PACRG: variants seen among roughly 807,000 people sequenced by gnomAD.
PACRG encodes the protein parkin coregulated gene protein.
Under a neutral mutation model 29.7 loss-of-function variants are expected in PACRG, and 29 were observed. The ratio of observed to expected loss-of-function variants is 0.98; its 90% confidence interval spans 0.73 to 1.33. The LOEUF (loss-of-function observed/expected upper bound fraction) is 1.33, where lower values mean the gene tolerates loss of function less well. Among genes scored for constraint, PACRG ranks in the 40% most tolerant of loss-of-function variants. PACRG has a pLI of 0.00. For synonymous variants in PACRG, 116 were observed against 118.7 expected, an observed-to-expected ratio of 0.98 and a Z score of 0.15; for missense variants, 279 against 316.2, an observed-to-expected ratio of 0.88 and a Z score of 0.89.
chr6:163,310,266 C>T (rs1562372420), intron 4 of PACRG: 2 of 152,184 alleles, frequency 1.3e-5, no homozygotes, highest in African/African-American at 4.8e-5. Context: ...GTTCTCAAGA[C>T]GCAGGGCTCG....
In PACRG at chr6:162,791,822, G is replaced by A. The variant is rs80277839; in HGVS notation, c.157-22325G>A. On this transcript the variant is annotated intron_variant, in intron 1 of 4. Transcript: ENST00000366888. ...AGGGCAGTCATGGAACGCTTTAGAA[G>A]GGACAAGTTCTAATGACACCTGGGG... 8.6e-3 allele frequency among the ~76,000 whole-genome samples: 1,311 copies of A among 152,246 alleles called. 21 individuals are homozygous for A. Among genetic ancestry groups the A allele is most frequent in the African/African-American group, 0.03 (1,252 of 41,540 alleles).
chr6:162,886,202 C>T (rs1284219462), intron 2 of PACRG, among the ~76,000 whole-genome samples: 1 of 152,176 alleles, frequency 6.6e-6, no homozygotes. Flanking sequence ...TGATTACAGG[C>T]ATGAGCCATT....
chr6:162,818,857 G>A (rs1787584698), intron 2 of PACRG, among the ~76,000 whole-genome samples: 1 of 152,140 alleles, frequency 6.6e-6, no homozygotes, highest in African/African-American at 2.4e-5. Flanking sequence ...ATTTGAATAG[G>A]ACGTAGATAA....
In PACRG at chr6:163,028,438, C is replaced by T. The variant is rs150422682; in HGVS notation, c.292-33712C>T. Reference sequence around the variant, plus strand: ...GTAGTGTCAAATTCAGGTTCTAACACAATCAACCTTTAAGATCATGCAGCC... The same window carrying T: ...GTAGTGTCAAATTCAGGTTCTAACATAATCAACCTTTAAGATCATGCAGCC... On this transcript the variant is annotated intron_variant, in intron 2 of 4. Transcript: ENST00000366888. 5.5e-4 allele frequency among the ~76,000 whole-genome samples: 83 copies of T among 152,262 alleles called. No individual in the cohort carries two copies. The East Asian group carries it at 0.016, about 29-fold the overall frequency.
intron 2 of PACRG, among the ~76,000 whole-genome samples, chr6:162,922,939 G>A (rs147888604): frequency 8.5e-5 from 13 of 152,196 alleles, no homozygotes; most frequent in South Asian, 2.1e-4. Context: ...GTGGAATGCC[G>A]GATCATGTGG....
intron 2 of PACRG, among the ~76,000 whole-genome samples, chr6:162,885,501 C>T (rs1263115108): frequency 6.8e-6 from 1 of 146,948 alleles, no homozygotes; most frequent in Non-Finnish European, 1.5e-5. Flanking sequence ...GAACTCCTGA[C>T]CTCAAGCCAT....
chr6:163,275,827 A>G (rs1297018578), intron 4 of PACRG, among the ~76,000 whole-genome samples: 2 of 152,180 alleles, frequency 1.3e-5, no homozygotes, highest in East Asian at 3.8e-4. Flanking sequence ...TTAATAATTC[A>G]AAGGACATAG....
chr6:163,003,352 C>T (rs1033118112), intron 2 of PACRG, among the ~76,000 whole-genome samples: 1 of 152,118 alleles, frequency 6.6e-6, no homozygotes, highest in Admixed American at 6.5e-5. Flanking sequence ...ATTCACTTTA[C>T]TTGCATAATT....
chr6:162,914,397 T>C (rs1796537582), intron 2 of PACRG, among the ~76,000 whole-genome samples: 1 of 152,000 alleles, frequency 6.6e-6, no homozygotes, highest in South Asian at 2.1e-4. Flanking sequence ...AGAAGTAGAC[T>C]GAACAGTCTG....
intron 2 of PACRG, among the ~76,000 whole-genome samples, chr6:162,995,758 C>G (rs1405701458): frequency 2.0e-5 from 3 of 152,218 alleles, no homozygotes; most frequent in Non-Finnish European, 4.4e-5. Context: ...GCCATCTTGG[C>G]TCCTAGTACT....
chr6:163,105,127 TA>T (rs548037571), intron 4 of PACRG, among the ~76,000 whole-genome samples: 317 of 151,364 alleles, frequency 2.1e-3, no homozygotes, highest in African/African-American at 7.2e-3. Context: ...TTTCCCATAT[TA>T]AAAAAAAATA....
chr6:163,044,430 T>C (rs894448045), intron 2 of PACRG, among the ~76,000 whole-genome samples: 3 of 152,146 alleles, frequency 2.0e-5, no homozygotes, highest in Admixed American at 2.0e-4. Flanking sequence ...GCCTTCCAAA[T>C]TGTTGGAATT....
At chr6:163,129,844 G>A (rs1200248159) in intron 4 of PACRG, among the ~76,000 whole-genome samples, 1 of 152,132 alleles carries the variant, frequency 6.6e-6, no homozygotes, top group East Asian at 1.9e-4. Context: ...AGGATTAAAT[G>A]GGTTTATATT....
At chr6:163,237,247 G>T (rs1562332016) in intron 4 of PACRG, among the ~76,000 whole-genome samples, 1 of 151,920 alleles carries the variant, frequency 6.6e-6, no homozygotes. Context: ...TTGGCAGGGG[G>T]TGGGTTTACC....
At position 163,234,030 on chromosome 6, in the gene PACRG, G is replaced by A. The variant is rs1782142039; in HGVS notation, c.614-80797G>A. Among the ~76,000 whole-genome samples, 3 of 152,090 alleles carry A rather than the reference G, an allele frequency of 2.0e-5. No homozygotes were observed. In the South Asian group the frequency reaches 6.2e-4, roughly 32 times the overall value. On this transcript the variant is annotated intron_variant, in intron 4 of 4. Coordinates refer to ENST00000366888, the MANE Select transcript of PACRG (RefSeq NM_001080379.2). Reference sequence around the variant, plus strand: ...CCATTTAAGAGTGTTCAGGTCTTGGGGGATAACTATCATCATTAAAGGAAG... The same window carrying A: ...CCATTTAAGAGTGTTCAGGTCTTGGAGGATAACTATCATCATTAAAGGAAG...
At chr6:163,255,858 A>G (rs1421692097) in intron 4 of PACRG, among the ~76,000 whole-genome samples, 2 of 151,894 alleles carry the variant, frequency 1.3e-5, no homozygotes, top group African/African-American at 2.4e-5. Context: ...TTGGTCTCAA[A>G]CTCCTGGCCT....
At chr6:163,152,243 G>A (rs1009335750) in intron 4 of PACRG, among the ~76,000 whole-genome samples, 3 of 152,160 alleles carry the variant, frequency 2.0e-5, no homozygotes, top group Non-Finnish European at 2.9e-5. Context: ...TGAGAAAAAG[G>A]AAATTATATT....
At chr6:163,016,142 G>T (rs978937144) in intron 2 of PACRG, 1 of 152,196 alleles carries the variant, frequency 6.6e-6, no homozygotes, top group African/African-American at 2.4e-5. Context: ...GCCACCGGCA[G>T]GCTGCCCTAT....
At chr6:162,905,919 C>T (rs547102887) in intron 2 of PACRG, among the ~76,000 whole-genome samples, 3 of 152,234 alleles carry the variant, frequency 2.0e-5, no homozygotes, top group South Asian at 2.1e-4. Context: ...AACTAGAACC[C>T]GTGGTCTCCC....
Sources: gnomAD v4.1 joint callset for allele counts (sites outside exome capture counted in the v4.1 genomes callset) on GRCh38, gnomAD v4.1.1 for gene constraint, MANE v1.5 for transcripts, NCBI Gene and HGNC (gene_info 2026-07-23, HGNC 2026-07-21) for gene names.